The following EDA variants were observed in gnomAD, a reference collection of about 807,000 sequenced individuals.
EDA encodes the protein ectodysplasin-A.
EDA carries 2 observed loss-of-function variants against 23.6 expected under a neutral mutation model. The observed-to-expected ratio is 0.08, with a 90% confidence interval of 0.03 to 0.27. The LOEUF (loss-of-function observed/expected upper bound fraction) is 0.27. EDA is among the 10% of genes least tolerant of loss of function. The pLI is 1.00. For missense variants in EDA, 229 were observed against 324.2 expected, an observed-to-expected ratio of 0.71 and a Z score of 2.26; for synonymous variants, 131 against 132.0, an observed-to-expected ratio of 0.99 and a Z score of 0.05.
intron 2 of EDA, among the ~76,000 whole-genome samples, chrX:70,019,586 CT>C (rs1356322870): frequency 8.9e-6 from 1 of 112,075 alleles, no homozygotes; most frequent in African/African-American, 3.3e-5. Flanking sequence ...AGATCATGTT[CT>C]TTGCAGCAAC....
intron 1 of EDA, among the ~76,000 whole-genome samples, chrX:69,725,433 G>A (rs760750898): frequency 2.7e-5 from 3 of 112,041 alleles, no homozygotes; most frequent in Non-Finnish European, 5.6e-5. Flanking sequence ...TATTCTGTGA[G>A]CATTTTTTGA....
intron 2 of EDA, among the ~76,000 whole-genome samples, chrX:70,010,395 C>T (rs755022845): frequency 7.1e-5 from 8 of 112,152 alleles, no homozygotes; most frequent in South Asian, 7.4e-4. Context: ...GCTCTGAAGT[C>T]GGCTTTGTCT....
chrX:69,922,457 C>T (rs758655016), intron 1 of EDA, among the ~76,000 whole-genome samples: 1 of 111,975 alleles, frequency 8.9e-6, no homozygotes, highest in Non-Finnish European at 1.9e-5. Context: ...TGCTTTCTTG[C>T]CAGCAATTGA....
intron 1 of EDA, among the ~76,000 whole-genome samples, chrX:69,710,440 G>A (rs907403820): frequency 9.0e-6 from 1 of 111,283 alleles, no homozygotes; most frequent in African/African-American, 3.3e-5. Flanking sequence ...GATGCCTCCA[G>A]CTTTGTTCTT....
At chrX:69,736,916 C>T (rs768339086) in intron 1 of EDA, among the ~76,000 whole-genome samples, 14 of 108,536 alleles carry the variant, frequency 1.3e-4, no homozygotes, top group African/African-American at 4.0e-4. Context: ...GGATTACAGG[C>T]GCCTGCCACC....
chrX:69,643,197 C>T (rs1932860222), intron 1 of EDA, among the ~76,000 whole-genome samples: 1 of 108,846 alleles, frequency 9.2e-6, no homozygotes, highest in Non-Finnish European at 1.9e-5. Flanking sequence ...TAAAATACAT[C>T]AAAACATATA....
chrX:69,808,967 T>A (rs1167251041), intron 1 of EDA, among the ~76,000 whole-genome samples: 1 of 111,503 alleles, frequency 9.0e-6, no homozygotes, highest in Admixed American at 9.5e-5. Flanking sequence ...GCAGGAATAA[T>A]AGCTGCTTCT....
At chrX:70,013,875 A>G (rs1021608241) in intron 2 of EDA, among the ~76,000 whole-genome samples, 1 of 112,292 alleles carries the variant, frequency 8.9e-6, no homozygotes. Context: ...AGAAGAGGCC[A>G]GTCTGTCTTC....
intron 2 of EDA, among the ~76,000 whole-genome samples, chrX:69,966,151 G>A (rs897710100): frequency 8.9e-6 from 1 of 112,226 alleles, no homozygotes; most frequent in Non-Finnish European, 1.9e-5. Flanking sequence ...ATTATAATTA[G>A]GGGTGGAAAA....
chrX:69,630,958 G>A (rs796383504), intron 1 of EDA, among the ~76,000 whole-genome samples: 1 of 111,609 alleles, frequency 9.0e-6, no homozygotes, highest in South Asian at 3.8e-4. Context: ...AGTTAAGTTG[G>A]TTCACCTTAG....
chrX:69,735,713 G>A (rs771044870), intron 1 of EDA, among the ~76,000 whole-genome samples: 95 of 111,131 alleles, frequency 8.5e-4, no homozygotes, highest in Admixed American at 2.0e-3. Context: ...GACCATGGTT[G>A]CCACTTTCCC....
intron 1 of EDA, among the ~76,000 whole-genome samples, chrX:69,758,367 T>G (rs2014190560): frequency 8.9e-6 from 1 of 112,139 alleles, no homozygotes; most frequent in Non-Finnish European, 1.9e-5. Flanking sequence ...CTAGATGATC[T>G]GGTAGAAAGA....
At chrX:69,806,862 A>G (rs753925036) in intron 1 of EDA, among the ~76,000 whole-genome samples, 12 of 110,897 alleles carry the variant, frequency 1.1e-4, no homozygotes, top group Non-Finnish European at 1.9e-4. Flanking sequence ...GCTGGAACAT[A>G]GAAAGAAATA....
At chrX:69,637,032 C>G (rs763595845) in intron 1 of EDA, among the ~76,000 whole-genome samples, 2 of 111,518 alleles carry the variant, frequency 1.8e-5, no homozygotes, top group South Asian at 7.6e-4. Flanking sequence ...AAGAGACTGT[C>G]TTATCCAGGC....
intron 1 of EDA, among the ~76,000 whole-genome samples, chrX:69,635,060 C>CATA (rs1349206094): frequency 1.8e-5 from 2 of 112,070 alleles, no homozygotes; most frequent in Non-Finnish European, 3.8e-5. Context: ...GTAGGCTATA[C>CATA]CATCCAGATT....
At chrX:69,875,753 A>C (rs2017633679) in intron 1 of EDA, among the ~76,000 whole-genome samples, 1 of 111,502 alleles carries the variant, frequency 9.0e-6, no homozygotes, top group South Asian at 3.8e-4. Context: ...AAGGACTAAT[A>C]TCCAGAATCT....
intron 2 of EDA, among the ~76,000 whole-genome samples, chrX:69,981,041 G>A (rs780126216): frequency 9.0e-6 from 1 of 111,531 alleles, no homozygotes; most frequent in South Asian, 3.8e-4. Flanking sequence ...TGGGGTTGTG[G>A]GGGCATCTGC....
At chrX:70,009,074 C>G (rs1409185737) in intron 2 of EDA, among the ~76,000 whole-genome samples, 1 of 111,642 alleles carries the variant, frequency 9.0e-6, no homozygotes, top group East Asian at 2.8e-4. Context: ...TAGAGTTATT[C>G]ATAATATTCT....
At chrX:69,982,211 G>C (rs936132507) in intron 2 of EDA, among the ~76,000 whole-genome samples, 1 of 111,606 alleles carries the variant, frequency 9.0e-6, no homozygotes, top group Non-Finnish European at 1.9e-5. Context: ...ACTTAGAGCA[G>C]CTGCTATTGC....
Sources: allele counts gnomAD v4.1 joint callset (sites outside exome capture counted in the v4.1 genomes callset), GRCh38; gene constraint gnomAD v4.1.1; transcripts MANE v1.5; gene names NCBI Gene and HGNC (gene_info 2026-07-23, HGNC 2026-07-21).